Variants in ANTXR2 observed in about 807,000 individuals in gnomAD.
ANTXR2 encodes the protein anthrax toxin receptor 2.
In ANTXR2, 44 loss-of-function variants were observed where a neutral mutation model predicts 73.7. The observed-to-expected ratio is 0.60, with a 90% CI of 0.47 to 0.77. ANTXR2 has a LOEUF of 0.77. Among genes scored for constraint, ANTXR2 ranks in the 30% least tolerant of loss-of-function variants. The pLI, the probability that ANTXR2 is intolerant of heterozygous loss-of-function variation, is 0.00. For synonymous variants in ANTXR2, 217 were observed against 205.9 expected (o/e 1.05, Z -0.46); for missense variants, 604 against 592.5 (o/e 1.02, Z -0.20).
At chr4:80,045,115 G>A (rs1028680795) in intron 7 of ANTXR2, among the ~76,000 whole-genome samples, 1 of 151,714 alleles carries the variant, frequency 6.6e-6, no homozygotes, top group East Asian at 1.9e-4. Flanking sequence ...AGGCATATTG[G>A]ACCAGATGCA....
chr4:79,924,405 T>C (rs1727703480), intron 16 of ANTXR2, among the ~76,000 whole-genome samples: 1 of 152,076 alleles, frequency 6.6e-6, no homozygotes, highest in Non-Finnish European at 1.5e-5. Flanking sequence ...GCAGGAGGAC[T>C]GCTTGAAACC....
At chr4:79,959,254 T>A (rs891054868) in intron 16 of ANTXR2, among the ~76,000 whole-genome samples, 1 of 152,104 alleles carries the variant, frequency 6.6e-6, no homozygotes, top group African/African-American at 2.4e-5. Flanking sequence ...TTTTGTATCA[T>A]CATCCTTAGC....
At chr4:80,035,587 G>C (rs1004969231) in intron 8 of ANTXR2, among the ~76,000 whole-genome samples, 1 of 152,066 alleles carries the variant, frequency 6.6e-6, no homozygotes, top group Non-Finnish European at 1.5e-5. Context: ...GCCCTGAGCT[G>C]GCAGATTCTG....
intron 12 of ANTXR2, among the ~76,000 whole-genome samples, chr4:80,007,419 C>T (rs1300617488): frequency 6.6e-6 from 1 of 152,068 alleles, no homozygotes; most frequent in Non-Finnish European, 1.5e-5. Context: ...GAAACCTGAA[C>T]AATCTAAATT....
chr4:79,984,757 G>T, intron 13 of ANTXR2, 62 bp downstream of exon 13: 1 of 1,373,892 alleles, frequency 7.3e-7, no homozygotes, highest in Non-Finnish European at 1.0e-6. Context: ...ATTAAATTTG[G>T]GCATGGTATC....
chr4:80,028,047 A>G (rs979849501), intron 10 of ANTXR2, among the ~76,000 whole-genome samples: 3 of 152,164 alleles, frequency 2.0e-5, no homozygotes, highest in African/African-American at 7.2e-5. Flanking sequence ...ATCATACACC[A>G]TTTTAAAAGT....
intron 7 of ANTXR2, among the ~76,000 whole-genome samples, chr4:80,053,191 A>G (rs567681997): frequency 2.0e-4 from 31 of 151,782 alleles, no homozygotes; most frequent in Non-Finnish European, 4.3e-4. Context: ...AGTTTTATTT[A>G]TCCTGAATCC....
chr4:79,975,903 C>G (rs1729605042), intron 16 of ANTXR2, among the ~76,000 whole-genome samples: 1 of 146,478 alleles, frequency 6.8e-6, no homozygotes, highest in Admixed American at 7.3e-5. Context: ...AATAAATTTT[C>G]TCAAATTACA....
At chr4:79,936,873 C>G (rs1227536685) in intron 16 of ANTXR2, among the ~76,000 whole-genome samples, 1 of 152,094 alleles carries the variant, frequency 6.6e-6, no homozygotes, top group South Asian at 2.1e-4. Flanking sequence ...AGGTACTACA[C>G]TCTACCACTG....
At chr4:79,984,028 C>T (rs1022231503) in intron 13 of ANTXR2, 58 bp from the exon 14 acceptor site, 12 of 1,194,630 alleles carry the variant, frequency 1.0e-5, no homozygotes, top group South Asian at 1.5e-5. Context: ...ACTGTTTAGT[C>T]GGAACTGGCT....
intron 11 of ANTXR2, among the ~76,000 whole-genome samples, chr4:80,011,454 C>T (rs1202187799): frequency 1.3e-5 from 2 of 152,130 alleles, no homozygotes; most frequent in Admixed American, 6.5e-5. Flanking sequence ...TCCAGCCAAT[C>T]TATTTTGTAA....
At chr4:80,013,807 G>A (rs1253661485) in intron 11 of ANTXR2, among the ~76,000 whole-genome samples, 1 of 150,324 alleles carries the variant, frequency 6.7e-6, no homozygotes, top group African/African-American at 2.4e-5. Context: ...CAGGCAACAG[G>A]AATTTGAGGT....
chr4:79,927,132 G>C (rs568090956), intron 16 of ANTXR2, among the ~76,000 whole-genome samples: 1 of 151,152 alleles, frequency 6.6e-6, no homozygotes, highest in South Asian at 2.1e-4. Context: ...GACAACAGAT[G>C]AATCTAAAGG....
At chr4:80,068,174 C>T (rs1165458291) in intron 3 of ANTXR2, among the ~76,000 whole-genome samples, 2 of 152,136 alleles carry the variant, frequency 1.3e-5, no homozygotes, top group African/African-American at 4.8e-5. Context: ...TAAGTTCTCT[C>T]CCCCAGTTCC....
chr4:79,914,907 A>G (rs1727283957), intron 16 of ANTXR2, among the ~76,000 whole-genome samples: 1 of 152,176 alleles, frequency 6.6e-6, no homozygotes. Flanking sequence ...TCTGTGTGGA[A>G]ACTTTATTCT....
At chr4:79,978,200 T>TA (rs767771151) in intron 14 of ANTXR2, 26 bp from the exon 15 acceptor site, 10 of 1,609,638 alleles carry the variant, frequency 6.2e-6, no homozygotes, top group Non-Finnish European at 8.5e-6. Context: ...AGAGTACTGT[T>TA]ATCAGACATA....
chr4:80,004,869 C>T (rs1258839829), intron 12 of ANTXR2, among the ~76,000 whole-genome samples: 2 of 151,964 alleles, frequency 1.3e-5, no homozygotes. Context: ...AACCCACTTC[C>T]TCTCCAGGAG....
At chr4:79,984,773 T>C (rs749697922) in intron 13 of ANTXR2, 46 bp downstream of exon 13, 6 of 1,532,768 alleles carry the variant, frequency 3.9e-6, no homozygotes, top group East Asian at 2.3e-5. Flanking sequence ...GTATCTGCAT[T>C]TGGAAAAAAA....
At chr4:80,001,699 T>A (rs1731049121) in intron 12 of ANTXR2, among the ~76,000 whole-genome samples, 1 of 151,152 alleles carries the variant, frequency 6.6e-6, no homozygotes, top group Admixed American at 6.6e-5. Context: ...TCTTTGTAGG[T>A]CACTCAGGAC....
Sources: gnomAD v4.1 joint callset for allele counts (sites outside exome capture counted in the v4.1 genomes callset) on GRCh38, gnomAD v4.1.1 for gene constraint, MANE v1.5 for transcripts, NCBI Gene and HGNC (gene_info 2026-07-23, HGNC 2026-07-21) for gene names.